Variants in TBX15 observed in about 807,000 individuals in gnomAD.
TBX15 encodes the protein T-box transcription factor TBX15.
In TBX15, 18 loss-of-function variants were observed where a neutral mutation model predicts 53.9. That is an observed-to-expected ratio of 0.33 (90% CI 0.23 to 0.49). The LOEUF (loss-of-function observed/expected upper bound fraction) is 0.49, where lower values mean the gene tolerates loss of function less well. Ranked by LOEUF, TBX15 falls within the 20% of genes least tolerant of loss-of-function variation. The pLI, the probability that TBX15 is intolerant of heterozygous loss-of-function variation, is 0.98. For synonymous variants in TBX15, 295 were observed against 278.0 expected, an observed-to-expected ratio of 1.06 and a Z score of -0.61; for missense variants, 692 against 749.5, an observed-to-expected ratio of 0.92 and a Z score of 0.90.
intron 1 of TBX15, among the ~76,000 whole-genome samples, chr1:118,978,648 A>G (rs527784237): frequency 5.5e-4 from 84 of 152,334 alleles, no homozygotes; most frequent in African/African-American, 2.0e-3. Context: ...ATATGGATAT[A>G]ATACAGAACA....
At chr1:118,916,771 C>A (rs544435683) in intron 5 of TBX15, among the ~76,000 whole-genome samples, 6 of 151,874 alleles carry the variant, frequency 4.0e-5, no homozygotes, top group South Asian at 4.2e-4. Flanking sequence ...GAGGCTGAGG[C>A]GAGAGAATTG....
intron 1 of TBX15, among the ~76,000 whole-genome samples, chr1:118,956,763 T>G (rs1184078004): frequency 6.7e-6 from 1 of 149,770 alleles, no homozygotes; most frequent in East Asian, 2.0e-4. Context: ...CCATCCTGGC[T>G]AACACGGTGA....
intron 7 of TBX15, among the ~76,000 whole-genome samples, chr1:118,888,155 A>C (rs1654015084): frequency 6.6e-6 from 1 of 152,208 alleles, no homozygotes; most frequent in Admixed American, 6.5e-5. Flanking sequence ...GGAAGACAGC[A>C]GCTGGCCATG....
At chr1:118,957,796 T>C (rs1021753616) in intron 1 of TBX15, among the ~76,000 whole-genome samples, 4 of 152,218 alleles carry the variant, frequency 2.6e-5, no homozygotes, top group Admixed American at 2.0e-4. Flanking sequence ...ACAAAGGACA[T>C]GAACTCATCC....
intron 1 of TBX15, among the ~76,000 whole-genome samples, chr1:118,939,643 G>A (rs918131288): frequency 6.7e-6 from 1 of 149,476 alleles, no homozygotes; most frequent in Non-Finnish European, 1.5e-5. Flanking sequence ...TCAGCATCAC[G>A]CAATATTCCC....
intron 1 of TBX15, among the ~76,000 whole-genome samples, chr1:118,965,821 A>G (rs1657019382): frequency 6.6e-6 from 1 of 152,258 alleles, no homozygotes; most frequent in African/African-American, 2.4e-5. Flanking sequence ...TAAAGTCTAA[A>G]GTACTATATA....
intron 1 of TBX15, among the ~76,000 whole-genome samples, chr1:118,950,915 G>T (rs770171477): frequency 6.6e-6 from 1 of 152,084 alleles, no homozygotes; most frequent in Non-Finnish European, 1.5e-5. Flanking sequence ...ATGAGGCAGT[G>T]GTGCTAAAAG....
rs140550714 is a variant in TBX15, at chr1:118,969,006, T to A, written c.205+18585A>T. On this transcript the variant is annotated intron_variant, in intron 1 of 7. Transcript: ENST00000369429. ...CAGCCCAAATGGCATAATCAATACA[T>A]CACCTAGCATGGATTGTTAACAAGA... Among the ~76,000 whole-genome samples the A allele has an allele frequency of 8.5e-5, 13 of 152,312 alleles. No individual in the cohort carries two copies. The East Asian group carries it at 2.3e-3, about 27-fold the overall frequency.
chr1:118,931,564 G>A (rs1303222165), intron 2 of TBX15, 55 bp downstream of exon 2: 6 of 1,580,914 alleles, frequency 3.8e-6, no homozygotes, highest in South Asian at 3.4e-5. Context: ...GAATGTAATG[G>A]CTCCTACTTC....
At chr1:118,896,556 G>C (rs1160112780) in intron 7 of TBX15, among the ~76,000 whole-genome samples, 1 of 152,306 alleles carries the variant, frequency 6.6e-6, no homozygotes, top group Middle Eastern at 3.4e-3. Flanking sequence ...CTGAAACAAT[G>C]AGGTAATATG....
chr1:118,945,607 T>C (rs1276637350), intron 1 of TBX15, among the ~76,000 whole-genome samples: 1 of 152,212 alleles, frequency 6.6e-6, no homozygotes, highest in Non-Finnish European at 1.5e-5. Flanking sequence ...GCCTCTCCCA[T>C]TCCTGGGCAA....
intron 7 of TBX15, 117 bp downstream of exon 7, chr1:118,898,911 C>G: frequency 9.7e-7 from 1 of 1,035,388 alleles, no homozygotes; most frequent in South Asian, 1.4e-5. Flanking sequence ...TCTCTTCATT[C>G]CAGGAGAATT....
intron 1 of TBX15, among the ~76,000 whole-genome samples, chr1:118,939,632 C>T (rs1160995015): frequency 6.7e-6 from 1 of 149,518 alleles, no homozygotes; most frequent in African/African-American, 2.6e-5. Context: ...TACCCTAAAC[C>T]TCAGCATCAC....
chr1:118,922,612 G>T (rs944394413), intron 5 of TBX15, among the ~76,000 whole-genome samples: 5 of 152,118 alleles, frequency 3.3e-5, no homozygotes, highest in Non-Finnish European at 5.9e-5. Flanking sequence ...CAAATTTTAT[G>T]ATCTTAACCA....
intron 1 of TBX15, among the ~76,000 whole-genome samples, chr1:118,957,314 T>C (rs1422506048): frequency 1.3e-5 from 2 of 152,188 alleles, no homozygotes; most frequent in Admixed American, 6.5e-5. Flanking sequence ...CTTAGAGTAA[T>C]GCCTTGGCCC....
chr1:118,983,012 C>T (rs1211729274), intron 1 of TBX15, among the ~76,000 whole-genome samples: 1 of 152,182 alleles, frequency 6.6e-6, no homozygotes, highest in Non-Finnish European at 1.5e-5. Flanking sequence ...CTTCGCTGCC[C>T]ATGAGGTTTG....
intron 1 of TBX15, among the ~76,000 whole-genome samples, chr1:118,953,079 G>GA (rs60529520): frequency 0.035 from 4,901 of 138,410 alleles, 255 homozygotes; most frequent in African/African-American, 0.11. Context: ...AATAGTTTCT[G>GA]AAAAAAAAAA....
At chr1:118,937,433 C>G (rs920915702) in intron 1 of TBX15, among the ~76,000 whole-genome samples, 4 of 152,180 alleles carry the variant, frequency 2.6e-5, no homozygotes, top group African/African-American at 9.6e-5. Flanking sequence ...TAGACTTTAT[C>G]ATCTACATGC....
chr1:118,936,731 T>C (rs796238871), intron 1 of TBX15, among the ~76,000 whole-genome samples: 5 of 152,278 alleles, frequency 3.3e-5, no homozygotes, highest in African/African-American at 1.2e-4. Context: ...ATGCAAAACA[T>C]CACTTAGTAC....
Sources: allele counts gnomAD v4.1 joint callset (sites outside exome capture counted in the v4.1 genomes callset), GRCh38; gene constraint gnomAD v4.1.1; transcripts MANE v1.5; gene names NCBI Gene and HGNC (gene_info 2026-07-23, HGNC 2026-07-21).